The following CHD1L variants were observed in gnomAD, a reference collection of about 807,000 sequenced individuals.
CHD1L encodes ATP-dependent chromatin remodeler CHD1L.
Under a neutral mutation model 115.9 loss-of-function variants are expected in CHD1L, and 118 were observed. That is an observed-to-expected ratio of 1.02 (90% confidence interval 0.88 to 1.19). The LOEUF (loss-of-function observed/expected upper bound fraction) is 1.19. CHD1L is among the 50% of genes most tolerant of loss of function. The pLI, the probability that CHD1L is intolerant of heterozygous loss-of-function variation, is 0.00. For missense variants in CHD1L, 1,179 were observed against 1,065.3 expected (o/e 1.11, Z -1.49); for synonymous variants, 411 against 387.1 (o/e 1.06, Z -0.72).
the CHD1L span, chr1:147,204,963 C>A: frequency 5.9e-6 from 8 of 1,345,438 alleles, no homozygotes; most frequent in Non-Finnish European, 8.5e-6. Context: ...TTCACGTGAC[C>A]GCTCAGAAGA....
At chr1:147,179,087 T>A in the CHD1L span, 1 of 1,614,022 alleles carries the variant, frequency 6.2e-7, no homozygotes, top group South Asian at 1.1e-5. Flanking sequence ...GAGATTCCTG[T>A]TGTTGCTATC....
chr1:147,276,004 G>A (rs150388654), intron 13 of CHD1L, 100 bp from the exon 14 acceptor site: 106 of 1,147,652 alleles, frequency 9.2e-5, no homozygotes, highest in Non-Finnish European at 1.2e-4. Flanking sequence ...CCTGAATATG[G>A]TATTTGGTTT....
At position 147,280,133 on chromosome 1, in the gene CHD1L, G is replaced by A. The variant is rs374644093; in HGVS notation, c.1647G>A (p.Gln549=). The change falls in exon 15 of 23, where the codon CAG becomes CAA. Residue 549 remains glutamine (Q), a synonymous_variant. Coordinates refer to ENST00000369258, the MANE Select transcript of CHD1L (RefSeq NM_004284.6). ...ESILGETKDG[Q]WVSDALPAAE... ...TCCTGGGAGAAACAAAAGATGGCCA[G>A]TGGGTCTCTGATGCCTTGCCTGCAG... 121 of 1,613,442 alleles carry A rather than the reference G, an allele frequency of 7.5e-5. No homozygotes were observed. Among genetic ancestry groups the A allele is most frequent in the Admixed American group, 1.8e-4 (11 of 59,922 alleles).
the CHD1L span, among the ~76,000 whole-genome samples, chr1:147,193,943 G>T: frequency 4.6e-5 from 7 of 151,950 alleles, no homozygotes; most frequent in African/African-American, 1.7e-4. Flanking sequence ...GATCAATTTT[G>T]CAATAGGTGT....
At chr1:147,205,067 T>C in the CHD1L span, 2 of 624,814 alleles carry the variant, frequency 3.2e-6, no homozygotes, top group Non-Finnish European at 5.7e-6. Context: ...CATACCAGAC[T>C]ACATGCAAGT....
At chr1:147,204,469 C>G in the CHD1L span, 12 of 1,452,490 alleles carry the variant, frequency 8.3e-6, no homozygotes, top group East Asian at 2.3e-5. Context: ...ATCAACATCT[C>G]GAAGGTTTTT....
chr1:147,249,433 GTCTC>G (rs1255601599), intron 1 of CHD1L, among the ~76,000 whole-genome samples: 1 of 103,708 alleles, frequency 9.6e-6, no homozygotes, highest in African/African-American at 3.8e-5. Context: ...TTGAGATAGA[GTCTC>G]TCTCTGTTGC....
the CHD1L span, chr1:147,184,685 C>A: frequency 7.0e-7 from 1 of 1,437,314 alleles, no homozygotes; most frequent in Non-Finnish European, 9.1e-7. This position sits in a 1 kb window ranked among gnomAD's most constrained non-coding sequence, Gnocchi z 4.4. Context: ...GCCTTCTCAT[C>A]ACTTCATCTC....
chr1:147,266,276 CAG>C (rs1302553224), intron 8 of CHD1L, among the ~76,000 whole-genome samples, 189 bp downstream of exon 8: 1 of 152,150 alleles, frequency 6.6e-6, no homozygotes, highest in East Asian at 1.9e-4. Context: ...TTGGTTGTTG[CAG>C]TTGTGAAATT....
chr1:147,247,891 A>G (rs782732677), intron 1 of CHD1L, among the ~76,000 whole-genome samples: 1 of 152,022 alleles, frequency 6.6e-6, no homozygotes, highest in Non-Finnish European at 1.5e-5. Flanking sequence ...TTCCTCTCTA[A>G]CCACAGCTGT....
At chr1:147,267,376 T>C in intron 8 of CHD1L, 50 bp from the exon 9 acceptor site, 1 of 1,419,640 alleles carries the variant, frequency 7.0e-7, no homozygotes, top group Non-Finnish European at 9.9e-7. Flanking sequence ...GTTTCTGTTT[T>C]GTTCAGTAGG....
At chr1:147,260,064 TC>T in intron 6 of CHD1L, 146 bp downstream of exon 6, 2 of 572,968 alleles carry the variant, frequency 3.5e-6, no homozygotes, top group Non-Finnish European at 6.1e-6. Flanking sequence ...TGTACAGCTG[TC>T]CCCTGTCCCC....
chr1:147,222,855 C>T, the CHD1L span, among the ~76,000 whole-genome samples: 1 of 152,184 alleles, frequency 6.6e-6, no homozygotes, highest in Non-Finnish European at 1.5e-5. Flanking sequence ...GCCCTCCCAA[C>T]CTCCTCCCAT....
chr1:147,238,555 T>C (rs1350583728), upstream of CHD1L, among the ~76,000 whole-genome samples: 4 of 152,188 alleles, frequency 2.6e-5, no homozygotes, highest in Admixed American at 2.6e-4. Context: ...AAAAACAGCA[T>C]GATTGTATAA....
intron 13 of CHD1L, 74 bp from the exon 14 acceptor site, chr1:147,276,029 TG>T: frequency 7.0e-7 from 1 of 1,425,046 alleles, no homozygotes; most frequent in African/African-American, 1.4e-5. Context: ...TGCTTTTAGA[TG>T]TATTTACCTT....
the CHD1L span, chr1:147,178,853 T>A: frequency 2.5e-6 from 4 of 1,583,060 alleles, no homozygotes; most frequent in Non-Finnish European, 2.6e-6. Context: ...TGCCCTCACA[T>A]GACAGAAGAC....
chr1:147,288,230 TGGGAGGA>T (rs1264125825), intron 19 of CHD1L, among the ~76,000 whole-genome samples: 4 of 139,898 alleles, frequency 2.9e-5, no homozygotes, highest in African/African-American at 1.1e-4. Context: ...GAGGCTGAGG[TGGGAGGA>T]TCACTTGAGT....
At chr1:147,208,449 T>TTTC in the CHD1L span, 4 of 149,176 alleles carry the variant, frequency 2.7e-5, no homozygotes, top group African/African-American at 9.9e-5. Context: ...CTTTTCTTTT[T>TTTC]TTTTTTTTCT....
At chr1:147,190,404 C>A in the CHD1L span, among the ~76,000 whole-genome samples, 13 of 152,240 alleles carry the variant, frequency 8.5e-5, no homozygotes, top group East Asian at 2.5e-3. Flanking sequence ...TTACCACCAC[C>A]ACAATATAAT....
Sources: allele counts gnomAD v4.1 joint callset (sites outside exome capture counted in the v4.1 genomes callset), GRCh38; gene constraint gnomAD v4.1.1; non-coding constraint Gnocchi (gnomAD v3.1); transcripts MANE v1.5; gene names NCBI Gene and HGNC (gene_info 2026-07-23, HGNC 2026-07-21).